IGF1R: variants seen among roughly 807,000 people sequenced by gnomAD.
IGF1R encodes the protein insulin like growth factor 1 receptor, also known as insulin-like growth factor 1 receptor.
Under a neutral mutation model 144.6 loss-of-function variants are expected in IGF1R, and 44 were observed. The observed-to-expected ratio is 0.30, with a 90% CI of 0.24 to 0.39. The LOEUF is 0.39. IGF1R is among the 10% of genes least tolerant of loss of function. The probability of loss-of-function intolerance (pLI) is 1.00; values close to 1 mark genes in which losing one functional copy is unlikely to be tolerated. For synonymous variants in IGF1R, 795 were observed against 722.8 expected, an observed-to-expected ratio of 1.10 and a Z score of -1.60; for missense variants, 1,355 against 1,833.7, an observed-to-expected ratio of 0.74 and a Z score of 4.77.
rs1036849315 is a variant in IGF1R at position 98,652,941 on chromosome 15, T to A, written c.94+3266T>A. Reference sequence around the variant, plus strand: ...ATTATATCTCAATAAACCCTTTTTTTTTTTTTTAAAGAAATGTGATCAGGT... The same window carrying A: ...ATTATATCTCAATAAACCCTTTTTTATTTTTTTAAAGAAATGTGATCAGGT... On this transcript the variant is annotated intron_variant, in intron 1 of 20. Coordinates refer to ENST00000650285, the MANE Select transcript of IGF1R (RefSeq NM_000875.5). Among the ~76,000 whole-genome samples, 70 of 152,082 alleles carry A rather than the reference T, an allele frequency of 4.6e-4. 1 individual carries two copies. The highest frequency in any genetic ancestry group is 6.8e-4 in the Non-Finnish European group (46 of 67,984).
intron 20 of IGF1R, among the ~76,000 whole-genome samples, chr15:98,956,101 G>T (rs1001349291): frequency 6.6e-6 from 1 of 152,196 alleles, no homozygotes; most frequent in Non-Finnish European, 1.5e-5. Context: ...GTCAAAGCCC[G>T]GGCCTTTCCT....
chr15:98,899,649 C>T (rs746828224), intron 5 of IGF1R, 28 bp downstream of exon 5: 52 of 1,609,422 alleles, frequency 3.2e-5, no homozygotes, highest in East Asian at 6.7e-5. Context: ...CATGAGCTGA[C>T]GTTCTATTAC....
At chr15:98,816,751 G>A (rs1171598353) in intron 2 of IGF1R, among the ~76,000 whole-genome samples, 2 of 152,188 alleles carry the variant, frequency 1.3e-5, no homozygotes, top group Admixed American at 6.5e-5. Flanking sequence ...GTCCCATGTG[G>A]TCCCCAGAGG....
At chr15:98,661,580 C>T (rs777415835) in intron 1 of IGF1R, among the ~76,000 whole-genome samples, 1 of 152,182 alleles carries the variant, frequency 6.6e-6, no homozygotes, top group Non-Finnish European at 1.5e-5. Flanking sequence ...GCTGGACAGC[C>T]TGGCCTGTCT....
At chr15:98,716,320 GTCTC>G (rs1022621741) in intron 2 of IGF1R, among the ~76,000 whole-genome samples, 1 of 151,600 alleles carries the variant, frequency 6.6e-6, no homozygotes, top group Non-Finnish European at 1.5e-5. Context: ...CTCTCTCTCT[GTCTC>G]TCTCTCTCTC....
chr15:98,685,087 T>C (rs1317460), intron 1 of IGF1R, among the ~76,000 whole-genome samples: 1 of 151,770 alleles, frequency 6.6e-6, no homozygotes, highest in African/African-American at 2.4e-5. Context: ...GGGTCACAGA[T>C]GTGTGCCATC....
intron 2 of IGF1R, among the ~76,000 whole-genome samples, chr15:98,788,185 A>C (rs558423512): frequency 1.1e-3 from 171 of 152,142 alleles, no homozygotes; most frequent in African/African-American, 4.0e-3. Context: ...CATGGTAGGA[A>C]TGGGTAGACT....
At chr15:98,852,749 T>A (rs1031005718) in intron 2 of IGF1R, among the ~76,000 whole-genome samples, 2 of 152,176 alleles carry the variant, frequency 1.3e-5, no homozygotes, top group African/African-American at 4.8e-5. Context: ...GTAAACACGT[T>A]TCCCTCCATG....
Position 98,957,806 on chromosome 15 carries a change from G to A in IGF1R, c.*364G>A, listed in dbSNP as rs906473151. On this transcript the variant is annotated 3_prime_UTR_variant, in exon 21 of 21. Coordinates refer to ENST00000650285, the MANE Select transcript of IGF1R (RefSeq NM_000875.5). Reference sequence around the variant, plus strand: ...TCTGCTTCATAACGGAAAAATAATTGCCACAAGTCCAGCTGGGAAGCCCTT... The same window carrying A: ...TCTGCTTCATAACGGAAAAATAATTACCACAAGTCCAGCTGGGAAGCCCTT... 1.5e-5 allele frequency: 5 copies of A among 341,222 alleles called. No homozygotes were observed. Among genetic ancestry groups the A allele is most frequent in the Non-Finnish European group, 2.7e-5 (5 of 185,798 alleles). 21.1% of individuals were successfully genotyped at this position (341,222 alleles called of 1,614,324 possible). A position where few individuals can be genotyped will look rare whatever the true frequency, so the allele number is the denominator to read the frequency against.
At chr15:98,922,010 T>C in intron 10 of IGF1R, 138 bp from the exon 11 acceptor site, 1 of 826,282 alleles carries the variant, frequency 1.2e-6, no homozygotes, top group South Asian at 1.5e-5. Flanking sequence ...CCCTGTGTTA[T>C]TCATGAGTTC....
intron 4 of IGF1R, among the ~76,000 whole-genome samples, chr15:98,897,921 G>T (rs1014684313): frequency 2.2e-5 from 3 of 135,516 alleles, no homozygotes; most frequent in Admixed American, 7.7e-5. Flanking sequence ...CTTTTATGAA[G>T]AATTTTTTTT....
At chr15:98,816,593 C>T (rs2056700649) in intron 2 of IGF1R, among the ~76,000 whole-genome samples, 1 of 152,200 alleles carries the variant, frequency 6.6e-6, no homozygotes, top group Non-Finnish European at 1.5e-5. Context: ...CAGATCTCAT[C>T]CTTACCCACT....
chr15:98,764,141 C>A (rs1004802808), intron 2 of IGF1R, among the ~76,000 whole-genome samples: 1 of 152,184 alleles, frequency 6.6e-6, no homozygotes, highest in African/African-American at 2.4e-5. Context: ...TCAGCCCACA[C>A]GTCTTCACTA....
chr15:98,660,993 T>C (rs1268917147), intron 1 of IGF1R, among the ~76,000 whole-genome samples: 1 of 152,108 alleles, frequency 6.6e-6, no homozygotes, highest in South Asian at 2.1e-4. Context: ...GGTAGGGTAC[T>C]TGCACACCTG....
chr15:98,866,714 G>A (rs575598474), intron 2 of IGF1R, among the ~76,000 whole-genome samples: 1 of 152,276 alleles, frequency 6.6e-6, no homozygotes, highest in African/African-American at 2.4e-5. Context: ...GAGAGGAAGC[G>A]CTGGCGGTCG....
At chr15:98,655,105 C>T (rs758067840) in intron 1 of IGF1R, among the ~76,000 whole-genome samples, 41 of 152,150 alleles carry the variant, frequency 2.7e-4, no homozygotes, top group Non-Finnish European at 5.6e-4. Flanking sequence ...TGCCTGCACC[C>T]CCATCCCCGA....
At chr15:98,911,245 G>A (rs1397444301) in intron 6 of IGF1R, 70 bp from the exon 7 acceptor site, 3 of 1,595,074 alleles carry the variant, frequency 1.9e-6, no homozygotes, top group Non-Finnish European at 1.7e-6. Flanking sequence ...GGGAAGCAGT[G>A]CCAAGCAAGA....
chr15:98,812,976 C>A (rs1326445795), intron 2 of IGF1R, among the ~76,000 whole-genome samples: 2 of 152,108 alleles, frequency 1.3e-5, no homozygotes, highest in African/African-American at 2.4e-5. Context: ...AGTCTTCTAT[C>A]GAAAAACAGT....
chr15:98,824,538 C>CCA (rs2056857597), intron 2 of IGF1R, among the ~76,000 whole-genome samples: 1 of 152,202 alleles, frequency 6.6e-6, no homozygotes, highest in Non-Finnish European at 1.5e-5. Flanking sequence ...AACCATTAGA[C>CCA]TCAGCTTTCC....
Sources: gnomAD v4.1 joint callset for allele counts (sites outside exome capture counted in the v4.1 genomes callset) on GRCh38, gnomAD v4.1.1 for gene constraint, MANE v1.5 for transcripts, NCBI Gene and HGNC (gene_info 2026-07-23, HGNC 2026-07-21) for gene names.